EXT1: variants seen among roughly 807,000 people sequenced by gnomAD.
EXT1 encodes the protein exostosin glycosyltransferase 1, also known as exostosin-1.
In EXT1, 20 loss-of-function variants were observed where a neutral mutation model predicts 82.5. The observed-to-expected ratio is 0.24, with a 90% CI of 0.17 to 0.35. EXT1 has a LOEUF of 0.35. Among genes scored for constraint, EXT1 ranks in the 10% least tolerant of loss-of-function variants. The probability of loss-of-function intolerance (pLI) is 1.00; values close to 1 mark genes in which losing one functional copy is unlikely to be tolerated. For missense variants in EXT1, 757 were observed against 936.5 expected, an observed-to-expected ratio of 0.81 and a Z score of 2.50; for synonymous variants, 348 against 350.8, an observed-to-expected ratio of 0.99 and a Z score of 0.09.
At chr8:118,036,837 C>T (rs1230137857) in intron 1 of EXT1, among the ~76,000 whole-genome samples, 1 of 152,072 alleles carries the variant, frequency 6.6e-6, no homozygotes, top group Non-Finnish European at 1.5e-5. Context: ...GCCTCTATGA[C>T]CTTGCAAACT....
intron 1 of EXT1, among the ~76,000 whole-genome samples, chr8:117,973,762 T>C (rs1445335144): frequency 6.9e-6 from 1 of 143,934 alleles, no homozygotes; most frequent in Non-Finnish European, 1.5e-5. Context: ...AGCAAGACCC[T>C]ATCTCAAAAG....
At chr8:117,983,857 A>G (rs1374199105) in intron 1 of EXT1, among the ~76,000 whole-genome samples, 4 of 152,202 alleles carry the variant, frequency 2.6e-5, no homozygotes, top group Non-Finnish European at 4.4e-5. Context: ...GAATTTATCA[A>G]CGTTGGCTGA....
chr8:117,848,769 T>A (rs1452485729), intron 1 of EXT1, among the ~76,000 whole-genome samples: 1 of 152,162 alleles, frequency 6.6e-6, no homozygotes, highest in African/African-American at 2.4e-5. Context: ...CAAGCGTGCA[T>A]GAACAGAGCA....
intron 1 of EXT1, among the ~76,000 whole-genome samples, chr8:117,990,015 T>C (rs529098895): frequency 6.6e-6 from 1 of 152,076 alleles, no homozygotes; most frequent in East Asian, 1.9e-4. Context: ...CTACTAAAAA[T>C]ACAAAATATT....
intron 1 of EXT1, among the ~76,000 whole-genome samples, chr8:117,934,209 T>C (rs1004782274): frequency 6.6e-6 from 1 of 151,852 alleles, no homozygotes. Flanking sequence ...GGTTTTGTTC[T>C]CCTCCATGTG....
intron 6 of EXT1, 81 bp downstream of exon 6, chr8:117,819,595 G>A (rs940084627): frequency 6.6e-6 from 8 of 1,207,606 alleles, no homozygotes; most frequent in African/African-American, 1.5e-5. Context: ...TGGGGAGCCC[G>A]GGGGATAACA....
chr8:117,845,307 T>C (rs1812335172), intron 1 of EXT1, among the ~76,000 whole-genome samples: 1 of 152,190 alleles, frequency 6.6e-6, no homozygotes, highest in Non-Finnish European at 1.5e-5. Context: ...GTCCTTGGAC[T>C]CAAACATCTT....
intron 1 of EXT1, among the ~76,000 whole-genome samples, chr8:117,980,694 GGTGGTTTT>G (rs1349101751): frequency 0.021 from 2,641 of 123,398 alleles, 98 homozygotes; most frequent in African/African-American, 0.031. Flanking sequence ...TTCGGGTGTT[GGTGGTTTT>G]TTTTTTTTTT....
At chr8:118,082,688 G>A (rs897834946) in intron 1 of EXT1, among the ~76,000 whole-genome samples, 10 of 152,144 alleles carry the variant, frequency 6.6e-5, no homozygotes, top group African/African-American at 2.4e-4. Flanking sequence ...AAACTTACAG[G>A]TAATGCAACC....
chr8:117,858,800 C>CAGGAAGG (rs1316230964), intron 1 of EXT1, among the ~76,000 whole-genome samples: 1 of 71,768 alleles, frequency 1.4e-5, no homozygotes, highest in African/African-American at 7.8e-5. Flanking sequence ...CAAGGCAAGG[C>CAGGAAGG]AAGGCAAGGC....
chr8:117,945,874 G>A (rs1317970069), intron 1 of EXT1, among the ~76,000 whole-genome samples: 1 of 152,028 alleles, frequency 6.6e-6, no homozygotes, highest in African/African-American at 2.4e-5. Flanking sequence ...AAATATCAAT[G>A]TACAAGATTA....
At chr8:118,077,747 G>C (rs1817237718) in intron 1 of EXT1, among the ~76,000 whole-genome samples, 1 of 152,132 alleles carries the variant, frequency 6.6e-6, no homozygotes, top group Non-Finnish European at 1.5e-5. Flanking sequence ...TGTTTTTAAA[G>C]AGTTACCTTT....
intron 1 of EXT1, among the ~76,000 whole-genome samples, chr8:118,060,773 G>A (rs1816869228): frequency 6.6e-6 from 1 of 152,298 alleles, no homozygotes; most frequent in South Asian, 2.1e-4. Context: ...GGAACAAGCT[G>A]GAACACCACC....
chr8:117,880,261 C>T (rs969736916), intron 1 of EXT1, among the ~76,000 whole-genome samples: 1 of 152,216 alleles, frequency 6.6e-6, no homozygotes, highest in South Asian at 2.1e-4. Context: ...ACCAAATCAA[C>T]AAATGGTCAA....
intron 1 of EXT1, among the ~76,000 whole-genome samples, chr8:117,853,448 G>A (rs568037283): frequency 3.3e-5 from 5 of 152,274 alleles, no homozygotes; most frequent in African/African-American, 1.2e-4. Context: ...GGAAGGCTGA[G>A]GCAGGAGAAT....
intron 8 of EXT1, among the ~76,000 whole-genome samples, chr8:117,808,787 G>A (rs1823272925): frequency 6.6e-6 from 1 of 152,132 alleles, no homozygotes; most frequent in Admixed American, 6.5e-5. Flanking sequence ...ATTTCTGGGT[G>A]TGTCTGTGAG....
At chr8:117,842,912 A>G (rs901440212) in intron 1 of EXT1, among the ~76,000 whole-genome samples, 2 of 152,180 alleles carry the variant, frequency 1.3e-5, no homozygotes, top group Admixed American at 6.5e-5. Context: ...GACGATAGGG[A>G]AGAAACAAGT....
At chr8:118,079,351 T>G (rs1297372737) in intron 1 of EXT1, among the ~76,000 whole-genome samples, 1 of 152,222 alleles carries the variant, frequency 6.6e-6, no homozygotes. Flanking sequence ...AGAGTATTAA[T>G]TACTCGAATA....
intron 1 of EXT1, among the ~76,000 whole-genome samples, chr8:117,954,525 G>A (rs757790386): frequency 8.5e-5 from 13 of 152,088 alleles, no homozygotes; most frequent in South Asian, 2.1e-4. Context: ...CACTCTATTC[G>A]TTGTTATTTA....
Sources: gnomAD v4.1 joint callset for allele counts (sites outside exome capture counted in the v4.1 genomes callset) on GRCh38, gnomAD v4.1.1 for gene constraint, MANE v1.5 for transcripts, NCBI Gene and HGNC (gene_info 2026-07-23, HGNC 2026-07-21) for gene names.